The following PAQR5 variants were observed in gnomAD, a reference collection of about 807,000 sequenced individuals.
PAQR5 encodes the protein membrane progestin receptor gamma.
PAQR5 carries 20 observed loss-of-function variants against 34.5 expected under a neutral mutation model. The observed-to-expected ratio is 0.58, with a 90% CI of 0.41 to 0.84. The LOEUF is 0.84. PAQR5 is among the 40% of genes least tolerant of loss of function. The pLI is 0.00. For missense variants in PAQR5, 378 were observed against 412.7 expected, an observed-to-expected ratio of 0.92 and a Z score of 0.73; for synonymous variants, 131 against 155.6, an observed-to-expected ratio of 0.84 and a Z score of 1.18.
chr15:69,342,629 A>T (rs2054671691), intron 2 of PAQR5, among the ~76,000 whole-genome samples: 1 of 152,134 alleles, frequency 6.6e-6, no homozygotes, highest in Non-Finnish European at 1.5e-5. Flanking sequence ...GGTGCTATTC[A>T]GTCCTTGGAG....
chr15:69,349,184 C>T (rs1467736647), intron 2 of PAQR5, among the ~76,000 whole-genome samples: 1 of 152,114 alleles, frequency 6.6e-6, no homozygotes, highest in Non-Finnish European at 1.5e-5. Context: ...ATGGCCTTCC[C>T]ACCTCTGTCT....
chr15:69,310,970 C>T (rs193222679), intron 1 of PAQR5, among the ~76,000 whole-genome samples: 2,360 of 125,548 alleles, frequency 0.019, 31 homozygotes, highest in Non-Finnish European at 0.028. Flanking sequence ...ACCCGGGAGG[C>T]GGAGCTTGCA....
Position 69,406,744 on chromosome 15 carries a change from C to T in PAQR5, c.*2922C>T, listed in dbSNP as rs2056754553. 6.6e-6 allele frequency: 1 copy of T among 152,246 alleles called. No homozygotes were observed. The highest frequency in any genetic ancestry group is 2.4e-5 in the African/African-American group (1 of 41,428). 9.4% of individuals were successfully genotyped at this position (152,246 alleles called of 1,614,324 possible). On this transcript the variant is annotated 3_prime_UTR_variant, in exon 9 of 9. Transcript: ENST00000395407. ...AACTAGCTGGTTGTGGTGGTGCACA[C>T]CTGTGGTCCCAGCTACTGTGGAGGG... is the stretch of plus-strand genomic sequence containing the variant.
chr15:69,389,840 C>A, intron 6 of PAQR5, 60 bp downstream of exon 6: 3 of 1,585,552 alleles, frequency 1.9e-6, no homozygotes, highest in Admixed American at 1.7e-5. Flanking sequence ...CAGCTCCCTG[C>A]ACTCTTTGAG....
intron 1 of PAQR5, among the ~76,000 whole-genome samples, chr15:69,311,038 CAAAAAATAA>C (rs1198308151): frequency 1.7e-4 from 6 of 36,122 alleles, no homozygotes; most frequent in Admixed American, 4.9e-4. Context: ...GACTCCGTCG[CAAAAAATAA>C]AAAAAAAAAA....
chr15:69,362,361 A>C (rs561244241), intron 3 of PAQR5, among the ~76,000 whole-genome samples: 2 of 152,244 alleles, frequency 1.3e-5, no homozygotes, highest in Non-Finnish European at 2.9e-5. Context: ...CCCAGGGTTC[A>C]TGAAGCCATA....
At chr15:69,370,307 AT>A (rs2055524564) in intron 3 of PAQR5, among the ~76,000 whole-genome samples, 1 of 152,212 alleles carries the variant, frequency 6.6e-6, no homozygotes, top group Admixed American at 6.5e-5. Context: ...TATTTGTAAA[AT>A]GGGTCGACAG....
intron 8 of PAQR5, among the ~76,000 whole-genome samples, chr15:69,400,603 C>G (rs1324205574): frequency 6.6e-6 from 1 of 152,014 alleles, no homozygotes; most frequent in Non-Finnish European, 1.5e-5. Flanking sequence ...TTGGTTTGAG[C>G]CTGGAAGGTT....
chr15:69,336,642 A>C (rs968543751), intron 1 of PAQR5, among the ~76,000 whole-genome samples: 2 of 152,170 alleles, frequency 1.3e-5, no homozygotes, highest in African/African-American at 4.8e-5. Flanking sequence ...TTTTATAATC[A>C]GCTGTAAAAT....
At chr15:69,359,844 A>G in intron 2 of PAQR5, 122 bp from the exon 3 acceptor site, 1 of 482,028 alleles carries the variant, frequency 2.1e-6, no homozygotes, top group Non-Finnish European at 3.7e-6. Flanking sequence ...TTTTTAAGGA[A>G]GCTTGATCTT....
At chr15:69,400,173 T>G in intron 8 of PAQR5, 58 bp downstream of exon 8, 1 of 1,530,904 alleles carries the variant, frequency 6.5e-7, no homozygotes, top group Non-Finnish European at 8.9e-7. Context: ...GGGAGGGTCC[T>G]GTCCCTGACT....
At chr15:69,346,609 C>T (rs565834704) in intron 2 of PAQR5, among the ~76,000 whole-genome samples, 22 of 147,712 alleles carry the variant, frequency 1.5e-4, no homozygotes, top group Admixed American at 8.1e-4. Context: ...TGAGCTACCA[C>T]GTCCAGCTGC....
At chr15:69,317,743 G>A (rs549192034) in intron 1 of PAQR5, among the ~76,000 whole-genome samples, 20 of 152,198 alleles carry the variant, frequency 1.3e-4, no homozygotes, top group African/African-American at 4.6e-4. Context: ...ATGCACCCGG[G>A]GTGCTATGTC....
chr15:69,336,182 G>A (rs1364884733), intron 1 of PAQR5, among the ~76,000 whole-genome samples: 1 of 152,104 alleles, frequency 6.6e-6, no homozygotes, highest in Non-Finnish European at 1.5e-5. Context: ...CTAAGTGAAT[G>A]ACTTATGGTG....
At position 69,357,675 on chromosome 15, in the gene PAQR5, GCTT is replaced by G. The variant is rs1203632299; in HGVS notation, c.-115-2288_-115-2286del. 2.6e-5 allele frequency among the ~76,000 whole-genome samples: 4 copies of G among 152,244 alleles called. No homozygotes were observed. The East Asian group carries it at 7.7e-4, about 29-fold the overall frequency. On this transcript the variant is annotated intron_variant, in intron 2 of 8. Transcript: ENST00000395407. Reference sequence around the variant, plus strand: ...CCACCCTTTGAGTATTGTGAATAATGCTTCTATTACTGTTTTTAAGAAAGAAGC... The same window carrying G: ...CCACCCTTTGAGTATTGTGAATAATGCTATTACTGTTTTTAAGAAAGAAGC...
intron 7 of PAQR5, among the ~76,000 whole-genome samples, chr15:69,399,198 C>T (rs1248679794): frequency 6.6e-6 from 1 of 152,170 alleles, no homozygotes; most frequent in African/African-American, 2.4e-5. Flanking sequence ...TAATTAGGAG[C>T]ACCAGTTCAG....
intron 3 of PAQR5, chr15:69,379,619 C>T (rs745978903): frequency 1.9e-4 from 188 of 980,872 alleles, no homozygotes; most frequent in Non-Finnish European, 2.1e-4. Context: ...GTAAGTACGC[C>T]GGGGAATGCA....
intron 2 of PAQR5, among the ~76,000 whole-genome samples, chr15:69,358,832 T>C (rs2055152184): frequency 1.3e-5 from 2 of 151,948 alleles, no homozygotes; most frequent in South Asian, 4.2e-4. Context: ...CCCAGGCTGG[T>C]CTTGAACTCT....
chr15:69,371,044 G>A (rs1049403048), intron 3 of PAQR5, among the ~76,000 whole-genome samples: 1 of 152,042 alleles, frequency 6.6e-6, no homozygotes, highest in African/African-American at 2.4e-5. Flanking sequence ...CTTCATTTCA[G>A]CAAAGTTGAG....
Sources: gnomAD v4.1 joint callset for allele counts (sites outside exome capture counted in the v4.1 genomes callset) on GRCh38, gnomAD v4.1.1 for gene constraint, MANE v1.5 for transcripts, NCBI Gene and HGNC (gene_info 2026-07-23, HGNC 2026-07-21) for gene names.